SCG3: variants seen among roughly 807,000 people sequenced by gnomAD.
SCG3 encodes secretogranin III, also known as secretogranin-3.
SCG3 carries 38 observed loss-of-function variants against 56.2 expected under a neutral mutation model. The ratio of observed to expected loss-of-function variants is 0.68; its 90% CI spans 0.52 to 0.89. The LOEUF (loss-of-function observed/expected upper bound fraction) is 0.89, where lower values mean the gene tolerates loss of function less well. SCG3 is among the 40% of genes least tolerant of loss of function. The pLI is 0.00. For synonymous variants in SCG3, 176 were observed against 184.2 expected (o/e 0.96, Z 0.36); for missense variants, 524 against 540.7 (o/e 0.97, Z 0.31).
chr15:51,718,076 C>T (rs978782422), intron 11 of SCG3, among the ~76,000 whole-genome samples: 2 of 152,038 alleles, frequency 1.3e-5, no homozygotes, highest in African/African-American at 4.8e-5. Context: ...TCTTCTGAGG[C>T]CCAAAGTGCC....
At chr15:51,718,628 A>G (rs1000455944) in intron 11 of SCG3, among the ~76,000 whole-genome samples, 1 of 120,098 alleles carries the variant, frequency 8.3e-6, no homozygotes, top group African/African-American at 3.2e-5. Flanking sequence ...TAAAGGATCA[A>G]GGGAAAATGG....
chr15:51,701,294 C>T (rs1455469105), intron 10 of SCG3, 50 bp downstream of exon 10: 1 of 1,524,416 alleles, frequency 6.6e-7, no homozygotes, highest in African/African-American at 1.4e-5. Context: ...AAAGCAAAAG[C>T]TTTCACCACA....
At chr15:51,697,854 G>C (rs879870388) in intron 8 of SCG3, among the ~76,000 whole-genome samples, 1 of 152,080 alleles carries the variant, frequency 6.6e-6, no homozygotes, top group Non-Finnish European at 1.5e-5. Context: ...TTTACAACTA[G>C]AGTTTGAGTT....
chr15:51,703,011 T>C (rs2055348904), intron 10 of SCG3, among the ~76,000 whole-genome samples: 1 of 152,172 alleles, frequency 6.6e-6, no homozygotes, highest in Non-Finnish European at 1.5e-5. Context: ...GTCAGTGCTC[T>C]CTTGGGTGGG....
intron 11 of SCG3, among the ~76,000 whole-genome samples, chr15:51,718,652 G>C (rs1391813446): frequency 6.6e-6 from 1 of 151,790 alleles, no homozygotes; most frequent in African/African-American, 2.4e-5. Context: ...TTTTTAAAAG[G>C]CTTCAGAAAG....
chr15:51,701,340 A>T, intron 10 of SCG3, 96 bp downstream of exon 10: 2 of 1,258,642 alleles, frequency 1.6e-6, no homozygotes, highest in Admixed American at 2.5e-5. Flanking sequence ...GCTCCATCAC[A>T]TCTGAGAAAT....
intron 8 of SCG3, 47 bp from the exon 9 acceptor site, chr15:51,699,272 T>C (rs757994120): frequency 7.3e-7 from 1 of 1,361,594 alleles, no homozygotes; most frequent in East Asian, 2.3e-5. Flanking sequence ...AAATTTGATG[T>C]CATCTCTCAG....
chr15:51,687,032 T>G (rs1388969119), intron 4 of SCG3, among the ~76,000 whole-genome samples: 1 of 152,156 alleles, frequency 6.6e-6, no homozygotes, highest in African/African-American at 2.4e-5. Context: ...TCTTCTTTCT[T>G]TGAGTGAATA....
At chr15:51,710,029 C>A (rs1430579878) in intron 10 of SCG3, among the ~76,000 whole-genome samples, 5 of 151,434 alleles carry the variant, frequency 3.3e-5, no homozygotes, top group African/African-American at 1.2e-4. Flanking sequence ...AGCCACCGCG[C>A]CCGGCCGGCT....
chr15:51,710,485 A>G (rs935004694), intron 10 of SCG3, among the ~76,000 whole-genome samples: 52 of 152,218 alleles, frequency 3.4e-4, no homozygotes, highest in African/African-American at 1.2e-3. Context: ...TAGTGAATAA[A>G]ATAGCTTTTC....
intron 9 of SCG3, 83 bp from the exon 10 acceptor site, chr15:51,701,024 G>T: frequency 6.5e-7 from 1 of 1,547,938 alleles, no homozygotes; most frequent in South Asian, 1.2e-5. Context: ...ACTGTACCTT[G>T]TCAATAAAGT....
At chr15:51,689,431 G>GTGTGTT (rs2141561871) in intron 6 of SCG3, 63 bp downstream of exon 6, 1 of 1,471,706 alleles carries the variant, frequency 6.8e-7, no homozygotes, top group Middle Eastern at 1.8e-4. Flanking sequence ...GTGTGTGTGT[G>GTGTGTT]TACTTCTATC....
intron 5 of SCG3, among the ~76,000 whole-genome samples, chr15:51,688,863 G>A (rs957625762): frequency 6.6e-6 from 1 of 152,164 alleles, no homozygotes; most frequent in Non-Finnish European, 1.5e-5. Flanking sequence ...CCCTGACCTG[G>A]CCCTGACAGG....
At chr15:51,686,701 T>TTGTTTGTTTGTTTGTA (rs759176531) in intron 4 of SCG3, among the ~76,000 whole-genome samples, 2 of 146,314 alleles carry the variant, frequency 1.4e-5, no homozygotes, top group African/African-American at 5.4e-5. Flanking sequence ...GTTTGTTTGT[T>TTGTTTGTTTGTTTGTA]TGTATGTTTG....
intron 10 of SCG3, among the ~76,000 whole-genome samples, chr15:51,706,240 A>C (rs1029165111): frequency 2.0e-5 from 3 of 152,212 alleles, no homozygotes; most frequent in Admixed American, 2.0e-4. Context: ...TTCAGCAAGA[A>C]ATAAACACTT....
At chr15:51,696,059 C>A in intron 8 of SCG3, 68 bp downstream of exon 8, 2 of 836,324 alleles carry the variant, frequency 2.4e-6, no homozygotes, top group African/African-American at 1.7e-5. Flanking sequence ...AGGGACTTGG[C>A]AATAATGACC....
Position 51,683,420 on chromosome 15 carries a change from A to G in SCG3, c.383A>G (p.Asp128Gly), listed in dbSNP as rs1595826498. 3 of 1,598,030 alleles carry G rather than the reference A, an allele frequency of 1.9e-6. No homozygotes were observed. Among genetic ancestry groups the G allele is most frequent in the East Asian group, 2.2e-5 (1 of 44,674 alleles). The change falls in exon 4 of 12, where the codon GAT (aspartate) becomes GGT (glycine). Residue 128 changes from aspartate to glycine, a missense_variant. Asp to Gly is a moderately conservative substitution (Grantham distance 94). Coordinates refer to ENST00000220478, the MANE Select transcript of SCG3 (RefSeq NM_013243.4). Reference protein sequence around the residue: ...DDYDSTKSGLDHKFQDDPDGL... With the variant: ...DDYDSTKSGLGHKFQDDPDGL... Reference sequence around the variant, plus strand: ...TATGACTCTACTAAGAGTGGATTGGATCATAAATTTCAAGGTAAATGAGAA... The same window carrying G: ...TATGACTCTACTAAGAGTGGATTGGGTCATAAATTTCAAGGTAAATGAGAA...
chr15:51,719,478 T>G lies in SCG3; in HGVS notation c.1359T>G (p.Leu453=), dbSNP rs1387987014. Residue 453 remains leucine (L), a synonymous_variant, in exon 12 of 12, where the codon CTT becomes CTG. Transcript: ENST00000220478. ...ATGCTTATGTGGAGAAAGGCATCCT[T>G]GACAAGGAAGAAGCCGAGGCCATCA... The part of the protein sequence containing the change: ...QADAYVEKGI[L]DKEEAEAIKR... 2 of 1,614,116 alleles carry G rather than the reference T, an allele frequency of 1.2e-6. No individual in the cohort carries two copies. The highest frequency in any genetic ancestry group is 1.7e-6 in the Non-Finnish European group (2 of 1,179,986).
intron 2 of SCG3, 62 bp from the exon 3 acceptor site, chr15:51,683,017 T>G (rs544289761): frequency 7.5e-7 from 1 of 1,334,850 alleles, no homozygotes; most frequent in Non-Finnish European, 1.0e-6. Context: ...ATTTGGCTCT[T>G]GTACTTGGTA....
Sources: gnomAD v4.1 joint callset for allele counts (sites outside exome capture counted in the v4.1 genomes callset) on GRCh38, gnomAD v4.1.1 for gene constraint, MANE v1.5 for transcripts, NCBI Gene and HGNC (gene_info 2026-07-23, HGNC 2026-07-21) for gene names.